The following C1QTNF7 variants were observed in gnomAD, a reference collection of about 807,000 sequenced individuals.
The protein encoded by C1QTNF7 is complement C1q tumor necrosis factor-related protein 7.
Under a neutral mutation model 19.6 loss-of-function variants are expected in C1QTNF7, and 15 were observed. That is an observed-to-expected ratio of 0.76 (90% confidence interval 0.51 to 1.18). C1QTNF7 has a LOEUF of 1.18. Among genes scored for constraint, C1QTNF7 ranks in the 50% most tolerant of loss-of-function variants. The probability of loss-of-function intolerance (pLI) is 0.00; values close to 1 mark genes in which losing one functional copy is unlikely to be tolerated. For missense variants in C1QTNF7, 324 were observed against 359.7 expected (o/e 0.90, Z 0.80); for synonymous variants, 142 against 137.5 (o/e 1.03, Z -0.23).
At chr4:15,418,855 CAG>C (rs1293227268) in intron 1 of C1QTNF7, among the ~76,000 whole-genome samples, 3 of 152,200 alleles carry the variant, frequency 2.0e-5, no homozygotes, top group Non-Finnish European at 2.9e-5. Context: ...GCCCTCAGCA[CAG>C]AGTCTGCCCA....
At chr4:15,412,668 AG>A (rs1719446576) in intron 1 of C1QTNF7, among the ~76,000 whole-genome samples, 1 of 152,230 alleles carries the variant, frequency 6.6e-6, no homozygotes, top group Admixed American at 6.5e-5. Context: ...ACACACTCAC[AG>A]GTGCTTGGGA....
At chr4:15,417,099 C>A (rs188732483) in intron 1 of C1QTNF7, among the ~76,000 whole-genome samples, 10 of 152,298 alleles carry the variant, frequency 6.6e-5, no homozygotes, top group Non-Finnish European at 1.3e-4. Flanking sequence ...CTTCAGTTAA[C>A]AAATGAGGAC....
intron 1 of C1QTNF7, among the ~76,000 whole-genome samples, chr4:15,356,375 T>C (rs1037458756): frequency 4.1e-5 from 6 of 147,916 alleles, no homozygotes; most frequent in African/African-American, 1.5e-4. Context: ...CTGTGTTAGT[T>C]TGCTGAGAAT....
At chr4:15,372,024 G>T (rs1717753949) in intron 1 of C1QTNF7, among the ~76,000 whole-genome samples, 1 of 152,106 alleles carries the variant, frequency 6.6e-6, no homozygotes. Flanking sequence ...TTGTCGTCAT[G>T]GTTTACATTT....
chr4:15,404,737 G>A (rs1719131623), intron 1 of C1QTNF7, among the ~76,000 whole-genome samples: 1 of 152,186 alleles, frequency 6.6e-6, no homozygotes, highest in Admixed American at 6.5e-5. Flanking sequence ...TGGGGACCAA[G>A]GGCATGGGAA....
chr4:15,384,977 G>C (rs1000171706), intron 1 of C1QTNF7, among the ~76,000 whole-genome samples: 1 of 152,198 alleles, frequency 6.6e-6, no homozygotes, highest in African/African-American at 2.4e-5. Context: ...CTCCCAAGAA[G>C]GGCATTCTCT....
chr4:15,399,004 C>T lies in C1QTNF7; in HGVS notation c.14-36732C>T, dbSNP rs573974708. Among the ~76,000 whole-genome samples the T allele has an allele frequency of 7.2e-5, 11 of 152,208 alleles. No individual in the cohort carries two copies. The South Asian group carries it at 2.3e-3, about 32-fold the overall frequency. Reference sequence around the variant, plus strand: ...TTAGTGGTTGGGAGGTGAGCATGCGCAGTGTGTTTACTGGAGTTGTATGCA... The same window carrying T: ...TTAGTGGTTGGGAGGTGAGCATGCGTAGTGTGTTTACTGGAGTTGTATGCA... On this transcript the variant is annotated intron_variant, in intron 1 of 2. Transcript: ENST00000295297.
intron 1 of C1QTNF7, among the ~76,000 whole-genome samples, chr4:15,354,801 A>G (rs954006276): frequency 7.9e-5 from 12 of 152,122 alleles, no homozygotes; most frequent in Admixed American, 4.6e-4. Context: ...TCCTAGTGCT[A>G]CAAGACATAA....
At chr4:15,423,457 T>C (rs1711885456), upstream of C1QTNF7, among the ~76,000 whole-genome samples, 1 of 152,236 alleles carries the variant, frequency 6.6e-6, no homozygotes, top group Admixed American at 6.5e-5. Context: ...CCTCTTTCCC[T>C]GCAATGAAAG....
At chr4:15,396,554 C>G (rs1718789429) in intron 1 of C1QTNF7, among the ~76,000 whole-genome samples, 1 of 152,052 alleles carries the variant, frequency 6.6e-6, no homozygotes, top group Admixed American at 6.6e-5. Context: ...TCCAAAAACC[C>G]TAAGACAAAG....
chr4:15,358,001 T>C (rs971622255), intron 1 of C1QTNF7: 6 of 152,226 alleles, frequency 3.9e-5, no homozygotes, highest in African/African-American at 1.4e-4. Context: ...CAATGGGGTT[T>C]TGTAAATATA....
At chr4:15,434,374 T>C (rs1460567723) in intron 1 of C1QTNF7, among the ~76,000 whole-genome samples, 1 of 152,206 alleles carries the variant, frequency 6.6e-6, no homozygotes, top group Non-Finnish European at 1.5e-5. Flanking sequence ...AATTTCCCCA[T>C]GGGTACCACA....
At chr4:15,423,850 C>T (rs879580351), upstream of C1QTNF7, among the ~76,000 whole-genome samples, 22 of 152,118 alleles carry the variant, frequency 1.4e-4, no homozygotes, top group Non-Finnish European at 2.5e-4. Flanking sequence ...GATGTCATTC[C>T]TTTAGGCAAG....
intron 1 of C1QTNF7, among the ~76,000 whole-genome samples, chr4:15,413,432 A>G (rs191214658): frequency 1.1e-3 from 167 of 152,332 alleles, no homozygotes; most frequent in African/African-American, 3.7e-3. Context: ...ACCACTTGCA[A>G]CATGGATGAG....
In C1QTNF7 at chr4:15,439,321, T is replaced by C. The variant is rs989583119; in HGVS notation, c.239-2847T>C. Among the ~76,000 whole-genome samples the C allele has an allele frequency of 2.0e-5, 3 of 152,244 alleles. No individual in the cohort carries two copies. The East Asian group carries it at 5.8e-4, about 29-fold the overall frequency. ...AAACTTTCAGGCCGTGAAGGCCTTT[T>C]TGTGGACAGCATTGTAAAATTGCAT... On this transcript the variant is annotated intron_variant, in intron 2 of 2. Transcript: ENST00000444304.
chr4:15,405,107 C>A (rs1719144184), intron 1 of C1QTNF7, among the ~76,000 whole-genome samples: 1 of 152,168 alleles, frequency 6.6e-6, no homozygotes, highest in Admixed American at 6.5e-5. Context: ...AATTTTATTT[C>A]TTCCTATAAC....
chr4:15,409,492 C>G (rs1719327453), intron 1 of C1QTNF7, among the ~76,000 whole-genome samples: 1 of 152,240 alleles, frequency 6.6e-6, no homozygotes, highest in East Asian at 1.9e-4. Context: ...GGAAGAAAGA[C>G]TTATTTTCAC....
upstream of C1QTNF7, among the ~76,000 whole-genome samples, chr4:15,423,945 C>T (rs1026256682): frequency 1.3e-5 from 2 of 152,220 alleles, no homozygotes; most frequent in East Asian, 3.9e-4. Context: ...TATTTTTTTC[C>T]TTCAAGCATT....
In C1QTNF7 at chr4:15,444,479, A is replaced by C. The variant is rs1298539361; in HGVS notation, c.*1680A>C. On this transcript the variant is annotated 3_prime_UTR_variant, in exon 3 of 3. Coordinates refer to ENST00000444304, the MANE Select transcript of C1QTNF7 (RefSeq NM_031911.5). The stretch of plus-strand genomic sequence containing the variant: ...GATGGTGCGGCGGCTGGCCAGAGGC[A>C]CTCTTCACTTCCCAGACAGAGGGGC... 1 of 152,048 alleles carries C rather than the reference A, an allele frequency of 6.6e-6. No homozygotes were observed. The highest frequency in any genetic ancestry group is 1.5e-5 in the Non-Finnish European group (1 of 68,062). 9.4% of individuals were successfully genotyped at this position (152,048 alleles called of 1,614,324 possible).
Sources: gnomAD v4.1 joint callset for allele counts (sites outside exome capture counted in the v4.1 genomes callset) on GRCh38, gnomAD v4.1.1 for gene constraint, MANE v1.5 for transcripts, NCBI Gene and HGNC (gene_info 2026-07-23, HGNC 2026-07-21) for gene names.